Variants in KAT6A observed in about 807,000 individuals in gnomAD.
KAT6A encodes the protein lysine acetyltransferase 6A, also known as histone acetyltransferase KAT6A.
A neutral mutation model predicts 198.4 loss-of-function variants in KAT6A; 9 were observed. That is an observed-to-expected ratio of 0.05 (90% CI 0.03 to 0.08). The LOEUF (loss-of-function observed/expected upper bound fraction) is 0.08, where lower values mean the gene tolerates loss of function less well. Ranked by LOEUF, KAT6A falls within the 10% of genes least tolerant of loss-of-function variation. The probability of loss-of-function intolerance (pLI) is 1.00; values close to 1 mark genes in which losing one functional copy is unlikely to be tolerated. For synonymous variants in KAT6A, 890 were observed against 883.0 expected (o/e 1.01, Z -0.14); for missense variants, 2,077 against 2,509.9 (o/e 0.83, Z 3.69).
chr8:42,034,074 A>T (rs1587850920), intron 2 of KAT6A, among the ~76,000 whole-genome samples: 1 of 152,162 alleles, frequency 6.6e-6, no homozygotes, highest in South Asian at 2.1e-4. Flanking sequence ...GACTAAACTA[A>T]GTCTGCAAGG....
Position 41,933,343 on chromosome 8 carries a change from G to A in KAT6A, c.4877C>T (p.Pro1626Leu). ...CSMMQQSSVQ[P>L]AANCSIKSPQ... ...TGACTTGATGCTGCAGTTGGCAGCA[G>A]GCTGGACGCTGCTCTGCTGCATCAT... Residue 1626 changes from proline to leucine, a missense_variant, in exon 17 of 17, where the codon CCT becomes CTT. By Grantham distance (98) the Pro-to-Leu change is moderately conservative. This residue lies in a region of KAT6A where 500 missense variants were observed against 577.2 expected (regional missense o/e 0.87). Transcript: ENST00000265713. This position sits in a 1 kb window ranked among gnomAD's most constrained non-coding sequence, Gnocchi z 6.2. The A allele has an allele frequency of 6.3e-7, 1 of 1,580,616 alleles. No individual in the cohort carries two copies. The highest frequency in any genetic ancestry group is 8.6e-7 in the Non-Finnish European group (1 of 1,166,012).
At chr8:41,958,301 T>A (rs1823028457) in intron 8 of KAT6A, 2 of 152,210 alleles carry the variant, frequency 1.3e-5, no homozygotes, top group South Asian at 4.1e-4. Flanking sequence ...TGTCGTTACC[T>A]CCTTTGGTCC....
Position 41,932,607 on chromosome 8 carries a change from C to G in KAT6A, c.5613G>C (p.Gln1871His). The change falls in exon 17 of 17, where the codon CAG becomes CAC. Residue 1871 changes from glutamine to histidine, a missense_variant. Gln to His is a conservative substitution (Grantham distance 24). Transcript: ENST00000265713. ...ATGGGCTACGGCCATACAGCTGCTG[C>G]TGGTGAGCAGCCGCAGAGGGCAGTG... The part of the protein sequence containing the change: ...SAPLPSAAAH[Q>H]QQLYGRSPSA... 1 of 1,614,046 alleles carries G rather than the reference C, an allele frequency of 6.2e-7. No homozygotes were observed. Among genetic ancestry groups the G allele is most frequent in the Non-Finnish European group, 8.5e-7 (1 of 1,179,898 alleles).
rs114429990 is a variant in KAT6A, at chr8:41,987,080, C to A, written c.709+375G>T. Among the ~76,000 whole-genome samples the A allele has an allele frequency of 9.8e-3, 1,497 of 152,174 alleles. 31 individuals carry two copies. Among genetic ancestry groups the A allele is most frequent in the African/African-American group, 0.034 (1,425 of 41,504 alleles). On this transcript the variant is annotated intron_variant, in intron 3 of 16. Transcript: ENST00000265713. ...AACCAGACCACATATGACTGTAGCC[C>A]CGTAAGGTCATACTACTGTATTTTT...
chr8:41,940,698 C>G, intron 15 of KAT6A, 144 bp downstream of exon 15: 1 of 973,262 alleles, frequency 1.0e-6, no homozygotes, highest in Non-Finnish European at 1.5e-6. Flanking sequence ...AGATCTTGAG[C>G]TACAATATAC....
intron 2 of KAT6A, among the ~76,000 whole-genome samples, chr8:41,995,755 C>T (rs1243370011): frequency 2.0e-5 from 3 of 148,202 alleles, no homozygotes; most frequent in Non-Finnish European, 4.4e-5. Context: ...CAGCTCACTG[C>T]AACCTCCATC....
chr8:41,984,844 G>A (rs374491301), intron 3 of KAT6A, among the ~76,000 whole-genome samples: 12 of 151,894 alleles, frequency 7.9e-5, no homozygotes, highest in East Asian at 5.8e-4. Context: ...TTAGCCGGGC[G>A]TGGTGGCAGG....
intron 14 of KAT6A, chr8:41,942,460 A>T (rs970459681): frequency 6.1e-6 from 2 of 326,554 alleles, no homozygotes; most frequent in Non-Finnish European, 1.1e-5. Flanking sequence ...TTTCATTTTT[A>T]AAAACTGTCA....
intron 10 of KAT6A, 28 bp from the exon 11 acceptor site, chr8:41,947,940 C>T: frequency 6.5e-7 from 1 of 1,542,500 alleles, no homozygotes; most frequent in Non-Finnish European, 8.8e-7. Flanking sequence ...ACAAAACAGT[C>T]AGTAGAGGGT....
intron 2 of KAT6A, among the ~76,000 whole-genome samples, chr8:42,017,077 T>C (rs886619154): frequency 2.0e-5 from 3 of 152,192 alleles, no homozygotes; most frequent in African/African-American, 7.2e-5. Flanking sequence ...AAAGACAGTA[T>C]GCTGTGAAAA....
chr8:41,962,406 G>A (rs1564025243), intron 8 of KAT6A, among the ~76,000 whole-genome samples: 1 of 151,922 alleles, frequency 6.6e-6, no homozygotes, highest in Non-Finnish European at 1.5e-5. Flanking sequence ...TCAGTAGATG[G>A]CAACTCCGTC....
intron 12 of KAT6A, 107 bp from the exon 13 acceptor site, chr8:41,944,086 G>C: frequency 1.5e-6 from 1 of 667,024 alleles, no homozygotes; most frequent in South Asian, 2.1e-5. Context: ...AACTCCAAAG[G>C]TAAATTCCTT....
rs746544472 is a variant in KAT6A, at chr8:41,942,811, T to C, written c.2418A>G (p.Glu806=). Residue 806 remains glutamate, a synonymous_variant, in exon 14 of 17, where the codon GAA becomes GAG. Coordinates refer to ENST00000265713, the MANE Select transcript of KAT6A (RefSeq NM_006766.5). ...EGENEEPQCQ[E]RELEISVGKS... ...CCCTTACACTGATCTCTAATTCTCT[T>C]TCCTGGCACTGTGGCTCTTCGTTTT... 3.1e-6 allele frequency: 5 copies of C among 1,614,058 alleles called. No homozygotes were observed. The highest frequency in any genetic ancestry group is 1.1e-5 in the South Asian group (1 of 91,080).
chr8:42,020,272 A>G (rs1021439666), intron 2 of KAT6A, among the ~76,000 whole-genome samples: 2 of 152,122 alleles, frequency 1.3e-5, no homozygotes, highest in Admixed American at 6.5e-5. Context: ...AGCCTAAAAT[A>G]TTTACTACCC....
At chr8:41,949,977 T>G (rs935871119) in intron 9 of KAT6A, among the ~76,000 whole-genome samples, 4 of 152,208 alleles carry the variant, frequency 2.6e-5, no homozygotes, top group African/African-American at 9.6e-5. Context: ...AAGGAACTTT[T>G]GTAGTATACT....
intron 8 of KAT6A, among the ~76,000 whole-genome samples, chr8:41,967,274 A>AATAAATTTATTTATTT (rs1823549839): frequency 7.0e-6 from 1 of 142,798 alleles, no homozygotes; most frequent in African/African-American, 2.6e-5. Context: ...TAAAAAAAAA[A>AATAAATTTATTTATTT]ATTTATTTAT....
At chr8:42,012,701 G>A (rs191887707) in intron 2 of KAT6A, among the ~76,000 whole-genome samples, 4 of 152,126 alleles carry the variant, frequency 2.6e-5, no homozygotes, top group African/African-American at 4.8e-5. Flanking sequence ...ATCCAGTTTC[G>A]CAATTTTTTA....
intron 2 of KAT6A, among the ~76,000 whole-genome samples, chr8:41,992,668 T>C (rs1167768135): frequency 6.6e-6 from 1 of 152,006 alleles, no homozygotes; most frequent in African/African-American, 2.4e-5. Context: ...ACTTTAGCAG[T>C]CTGGATTAAA....
At chr8:41,950,171 T>C (rs1204278359) in intron 9 of KAT6A, among the ~76,000 whole-genome samples, 1 of 152,216 alleles carries the variant, frequency 6.6e-6, no homozygotes, top group Non-Finnish European at 1.5e-5. Context: ...GAAAGCAGTG[T>C]GTTGTTGGCT....
Sources: gnomAD v4.1 joint callset for allele counts (sites outside exome capture counted in the v4.1 genomes callset) on GRCh38, gnomAD v4.1.1 for gene constraint, gnomAD v4.1.1 regional missense constraint, Gnocchi (gnomAD v3.1) non-coding constraint, MANE v1.5 for transcripts, NCBI Gene and HGNC (gene_info 2026-07-23, HGNC 2026-07-21) for gene names.